Variants in CENPK observed in about 807,000 individuals in gnomAD.
CENPK encodes SoxLZ/Sox6-binding protein Solt.
Under a neutral mutation model 40.9 loss-of-function variants are expected in CENPK, and 46 were observed. That is an observed-to-expected ratio of 1.13 (90% CI 0.89 to 1.44). CENPK has a LOEUF of 1.44. CENPK is among the 40% of genes most tolerant of loss of function. The pLI is 0.00. For missense variants in CENPK, 288 were observed against 303.5 expected (o/e 0.95, Z 0.38); for synonymous variants, 107 against 104.4 (o/e 1.02, Z -0.15).
downstream of CENPK, among the ~76,000 whole-genome samples, chr5:65,514,429 T>C (rs945403620): frequency 7.9e-5 from 12 of 151,634 alleles, no homozygotes; most frequent in African/African-American, 2.7e-4. Flanking sequence ...CACGCCTGGC[T>C]AATTTTTTAG....
intron 5 of CENPK, among the ~76,000 whole-genome samples, chr5:65,545,888 T>C (rs763190366): frequency 6.6e-6 from 1 of 152,182 alleles, no homozygotes; most frequent in Admixed American, 6.6e-5. Flanking sequence ...CTCAGACCCC[T>C]GAACTACAGA....
chr5:65,505,150 T>C, the CENPK span, among the ~76,000 whole-genome samples: 2 of 152,168 alleles, frequency 1.3e-5, no homozygotes, highest in South Asian at 2.1e-4. Flanking sequence ...CTGCCCAGGC[T>C]ACAACATTTA....
At chr5:65,516,697 T>G (rs1290686206), downstream of CENPK, among the ~76,000 whole-genome samples, 2 of 94,538 alleles carry the variant, frequency 2.1e-5, no homozygotes, top group Non-Finnish European at 4.8e-5. Context: ...CATCTCTACA[T>G]GCTAAAAAAA....
intron 6 of CENPK, among the ~76,000 whole-genome samples, chr5:65,538,660 C>T (rs930590296): frequency 3.9e-5 from 6 of 152,070 alleles, no homozygotes; most frequent in Admixed American, 6.6e-5. Flanking sequence ...GCAGACAGAG[C>T]GATGGAGGGA....
intron 2 of CENPK, among the ~76,000 whole-genome samples, chr5:65,557,948 C>T (rs1418189626): frequency 1.3e-5 from 2 of 152,118 alleles, no homozygotes; most frequent in African/African-American, 4.8e-5. Context: ...TTTTCAAGAA[C>T]GTTTTCTCTA....
At chr5:65,529,331 C>T in intron 6 of CENPK, 132 bp from the exon 7 acceptor site, 2 of 619,120 alleles carry the variant, frequency 3.2e-6, no homozygotes, top group South Asian at 4.5e-5. Context: ...TAGCAGAAAG[C>T]ATTTGAAAAG....
chr5:65,536,117 T>C (rs1187783805), intron 6 of CENPK, among the ~76,000 whole-genome samples: 2 of 152,236 alleles, frequency 1.3e-5, no homozygotes. Flanking sequence ...TTTTTAACTG[T>C]AATGAAAAAT....
rs766439178 is a variant in CENPK, at chr5:65,529,090, T to C, written c.371+27A>G. 1.5e-5 allele frequency: 23 copies of C among 1,546,686 alleles called. No individual in the cohort carries two copies. The Admixed American group carries it at 1.5e-4, about 10-fold the overall frequency. On this transcript the variant is annotated intron_variant, in intron 7 of 10. Coordinates refer to ENST00000396679, the MANE Select transcript of CENPK (RefSeq NM_022145.5). ...AATGTCACTTAATATATATGAATGATTAATAGTAATTGTAACATAAACAAA... is the reference window on the plus strand; with the variant it reads ...AATGTCACTTAATATATATGAATGACTAATAGTAATTGTAACATAAACAAA...
At chr5:65,554,993 T>C in intron 2 of CENPK, 47 bp from the exon 3 acceptor site, 1 of 806,310 alleles carries the variant, frequency 1.2e-6, no homozygotes, top group South Asian at 1.4e-5. Flanking sequence ...GTTGAACACT[T>C]ATTACCTGCC....
At chr5:65,555,205 T>A (rs1327573685) in intron 2 of CENPK, 1 of 196,500 alleles carries the variant, frequency 5.1e-6, no homozygotes, top group East Asian at 1.4e-4. Flanking sequence ...GCAAGGACAA[T>A]ATAATTTTAA....
At chr5:65,542,949 CA>C in intron 5 of CENPK, 101 bp from the exon 6 acceptor site, 1 of 949,870 alleles carries the variant, frequency 1.1e-6, no homozygotes, top group Non-Finnish European at 1.6e-6. Flanking sequence ...TTTCCATCTC[CA>C]TTTATATAAT....
chr5:65,504,043 T>C, the CENPK span, among the ~76,000 whole-genome samples: 1 of 152,052 alleles, frequency 6.6e-6, no homozygotes, highest in East Asian at 1.9e-4. Flanking sequence ...ACACAACCCT[T>C]TGCTTGCGAT....
rs13355634 is a variant in CENPK at position 65,520,621 on chromosome 5, T to C, written c.651+854A>G. 1.5e-3 allele frequency among the ~76,000 whole-genome samples: 236 copies of C among 152,280 alleles called. 1 individual carries two copies. The highest frequency in any genetic ancestry group is 5.6e-3 in the African/African-American group (233 of 41,564). On this transcript the variant is annotated intron_variant, in intron 10 of 10. Transcript: ENST00000396679. ...TTCTAATTACGAATCTAATAAATAT[T>C]TGTATTTTGCTTTTCAAAGCAATAA... is the stretch of plus-strand genomic sequence containing the variant.
intron 3 of CENPK, 86 bp from the exon 4 acceptor site, chr5:65,552,635 A>G (rs1379278377): frequency 8.6e-6 from 6 of 695,368 alleles, no homozygotes; most frequent in African/African-American, 7.4e-5. Context: ...CCAGGCCAAT[A>G]TAACACTCTT....
intron 10 of CENPK, 57 bp from the exon 11 acceptor site, chr5:65,518,690 T>C: frequency 1.7e-6 from 2 of 1,149,654 alleles, no homozygotes; most frequent in Non-Finnish European, 2.5e-6. Flanking sequence ...AATATAGCTA[T>C]AAGAAAGTTT....
chr5:65,553,440 T>C (rs992806097), intron 3 of CENPK, among the ~76,000 whole-genome samples: 1 of 130,982 alleles, frequency 7.6e-6, no homozygotes, highest in African/African-American at 2.6e-5. Context: ...GGGCCGCAGG[T>C]TGGACAAGCT....
chr5:65,495,875 G>C, the CENPK span, among the ~76,000 whole-genome samples: 1 of 152,156 alleles, frequency 6.6e-6, no homozygotes, highest in Non-Finnish European at 1.5e-5. Context: ...TGTTGGCAAG[G>C]GTTCCATTAA....
the CENPK span, among the ~76,000 whole-genome samples, chr5:65,507,786 A>C: frequency 4.6e-5 from 7 of 152,326 alleles, no homozygotes; most frequent in Non-Finnish European, 8.8e-5. Flanking sequence ...TTTTTCAGTT[A>C]AAGGAACTTA....
Position 65,518,408 on chromosome 5 carries a change from T to C in CENPK, c.*67A>G. The C allele has an allele frequency of 1.4e-6, 2 of 1,480,448 alleles. No homozygotes were observed. Among genetic ancestry groups the C allele is most frequent in the Non-Finnish European group, 1.8e-6 (2 of 1,086,088 alleles). The allele number at this position is 1,480,448 out of a possible 1,614,324, so 91.7% of individuals were successfully genotyped here. A position where few individuals can be genotyped will look rare whatever the true frequency, so the allele number is the denominator to read the frequency against. ...TTGCAAATAATGTTTTTTATCCAAA[T>C]AGTCCTGTGGTTCCAATATCCTTGA... On this transcript the variant is annotated 3_prime_UTR_variant, in exon 11 of 11. Transcript: ENST00000396679.
Sources: gnomAD v4.1 joint callset for allele counts (sites outside exome capture counted in the v4.1 genomes callset) on GRCh38, gnomAD v4.1.1 for gene constraint, MANE v1.5 for transcripts, NCBI Gene and HGNC (gene_info 2026-07-23, HGNC 2026-07-21) for gene names.